The following ZNF407 variants were observed in gnomAD, a reference collection of about 807,000 sequenced individuals.
ZNF407 encodes the protein zinc finger protein 407.
ZNF407 carries 17 observed loss-of-function variants against 131.2 expected under a neutral mutation model. That is an observed-to-expected ratio of 0.13 (90% CI 0.09 to 0.19). The LOEUF (loss-of-function observed/expected upper bound fraction) is 0.19, where lower values mean the gene tolerates loss of function less well. Among genes scored for constraint, ZNF407 ranks in the 10% least tolerant of loss-of-function variants. The pLI, the probability that ZNF407 is intolerant of heterozygous loss-of-function variation, is 1.00. For synonymous variants in ZNF407, 1,156 were observed against 1,062.0 expected (o/e 1.09, Z -1.72); for missense variants, 2,681 against 2,830.6 (o/e 0.95, Z 1.20).
At chr18:75,021,231 A>G (rs558155272) in intron 8 of ZNF407, among the ~76,000 whole-genome samples, 2 of 152,100 alleles carry the variant, frequency 1.3e-5, no homozygotes, top group East Asian at 1.9e-4. Context: ...ATATGTATTT[A>G]TATTTGTGTG....
At chr18:74,908,490 A>C (rs1971625466) in intron 7 of ZNF407, among the ~76,000 whole-genome samples, 1 of 152,158 alleles carries the variant, frequency 6.6e-6, no homozygotes, top group Non-Finnish European at 1.5e-5. Context: ...TCTTATATAC[A>C]TGGATCTTTG....
intron 6 of ZNF407, among the ~76,000 whole-genome samples, chr18:74,884,983 G>C (rs929479355): frequency 6.6e-6 from 1 of 152,142 alleles, no homozygotes. Flanking sequence ...GAAAATAGCA[G>C]TGAGTTTTAA....
At chr18:74,894,099 A>G (rs571861845) in intron 7 of ZNF407, among the ~76,000 whole-genome samples, 15 of 152,188 alleles carry the variant, frequency 9.9e-5, no homozygotes, top group Non-Finnish European at 1.5e-4. Flanking sequence ...ACCTGAGGCT[A>G]TTTTTCAAGT....
chr18:74,631,954 C>T lies in ZNF407; in HGVS notation c.935C>T (p.Ala312Val), dbSNP rs1206122445. The T allele has an allele frequency of 6.2e-7, 1 of 1,613,936 alleles. No individual in the cohort carries two copies. The highest frequency in any genetic ancestry group is 1.7e-5 in the Admixed American group (1 of 60,022). ...AAACCAAGAACTTCTAAATCAATAGCAAAGAATAGTGATTCAAAAGGATTA... is the reference window on the plus strand; with the variant it reads ...AAACCAAGAACTTCTAAATCAATAGTAAAGAATAGTGATTCAAAAGGATTA... Reference protein sequence around the residue: ...HSKPRTSKSIAKNSDSKGLRN... With the variant: ...HSKPRTSKSIVKNSDSKGLRN... Residue 312 changes from alanine (A) to valine (V), a missense_variant, in exon 2 of 9, where the codon GCA becomes GTA. Around this residue, in one of 6 missense-constraint regions of ZNF407, gnomAD observed 1,789 missense variants for 1,748.7 expected, o/e 1.02. Transcript: ENST00000299687.
At chr18:74,720,560 A>C (rs1968006124) in intron 3 of ZNF407, among the ~76,000 whole-genome samples, 1 of 151,852 alleles carries the variant, frequency 6.6e-6, no homozygotes, top group Non-Finnish European at 1.5e-5. Context: ...GGTCTTACTC[A>C]TATAATATTT....
chr18:74,848,689 G>C (rs1970736077), intron 4 of ZNF407, among the ~76,000 whole-genome samples: 1 of 152,168 alleles, frequency 6.6e-6, no homozygotes, highest in African/African-American at 2.4e-5. Flanking sequence ...GGCAAGAGTT[G>C]AGCCGTAAGG....
In ZNF407 at chr18:74,731,539, A is replaced by G. The variant is rs368400177; in HGVS notation, c.4803-49889A>G. On this transcript the variant is annotated intron_variant, in intron 3 of 8. Coordinates refer to ENST00000299687, the MANE Select transcript of ZNF407 (RefSeq NM_017757.3). ...GTTAAACCCACTTAATGAAATGCAA[A>G]CACATTTTCAATGACTAATTAGGAG... is the stretch of plus-strand genomic sequence containing the variant. Among the ~76,000 whole-genome samples, 133 of 152,342 alleles carry G rather than the reference A, an allele frequency of 8.7e-4. 1 individual carries two copies. The highest frequency in any genetic ancestry group is 2.8e-3 in the African/African-American group (115 of 41,584).
intron 4 of ZNF407, among the ~76,000 whole-genome samples, chr18:74,785,730 G>A (rs549506713): frequency 3.3e-5 from 5 of 152,208 alleles, no homozygotes; most frequent in African/African-American, 1.2e-4. Flanking sequence ...CTGTGGAAAA[G>A]CGCATGCACC....
chr18:74,733,078 CT>C (rs1968331176), intron 3 of ZNF407, among the ~76,000 whole-genome samples: 1 of 151,834 alleles, frequency 6.6e-6, no homozygotes. Context: ...AAGTGTTTAA[CT>C]GTTAAGTTAT....
rs757314870 is a variant in ZNF407, at chr18:74,631,682, C to G, written c.663C>G (p.Ser221Arg). ...AGGAACATACCTGTTGTCACTGCAG[C>G]CACAAAGCAGAGAGCAGCTCAGCAC... is the stretch of plus-strand genomic sequence containing the variant. ...QPKEHTCCHC[S>R]HKAESSSALH... Residue 221 changes from serine to arginine, a missense_variant, in exon 2 of 9, where the codon AGC (serine) becomes AGG (arginine). Ser to Arg is a moderately radical substitution (Grantham distance 110). Coordinates refer to ENST00000299687, the MANE Select transcript of ZNF407 (RefSeq NM_017757.3). 1.2e-6 allele frequency: 2 copies of G among 1,613,934 alleles called. No individual in the cohort carries two copies. The highest frequency in any genetic ancestry group is 2.2e-5 in the South Asian group (2 of 91,082).
intron 8 of ZNF407, among the ~76,000 whole-genome samples, chr18:74,951,929 G>A (rs1333053025): frequency 6.6e-6 from 1 of 151,552 alleles, no homozygotes; most frequent in Non-Finnish European, 1.5e-5. Context: ...ACTTCTGATC[G>A]TACTTCATAG....
intron 7 of ZNF407, among the ~76,000 whole-genome samples, chr18:74,895,616 A>G (rs553613636): frequency 1.7e-3 from 257 of 152,354 alleles, no homozygotes; most frequent in African/African-American, 6.0e-3. Flanking sequence ...TTTTTTAAAC[A>G]TATATTTATC....
chr18:74,910,749 C>G (rs1441519034), intron 7 of ZNF407, among the ~76,000 whole-genome samples: 2 of 152,118 alleles, frequency 1.3e-5, no homozygotes, highest in East Asian at 3.9e-4. Context: ...TAATAATTTT[C>G]AAAAATGCAG....
At chr18:75,049,672 C>T (rs1490574745) in intron 8 of ZNF407, among the ~76,000 whole-genome samples, 2 of 152,128 alleles carry the variant, frequency 1.3e-5, no homozygotes, top group African/African-American at 2.4e-5. Flanking sequence ...CCCCATTTTG[C>T]CTTCTAGAGC....
At chr18:74,676,718 G>A (rs548781782) in intron 3 of ZNF407, among the ~76,000 whole-genome samples, 46 of 152,256 alleles carry the variant, frequency 3.0e-4, no homozygotes, top group Non-Finnish European at 4.1e-4. Context: ...ACAGACGTGA[G>A]CCACTGTGCC....
At chr18:74,977,912 T>C (rs1159347398) in intron 8 of ZNF407, among the ~76,000 whole-genome samples, 2 of 152,238 alleles carry the variant, frequency 1.3e-5, no homozygotes, top group Non-Finnish European at 2.9e-5. Flanking sequence ...TGGGGATTTT[T>C]AGTACTTTTC....
intron 8 of ZNF407, among the ~76,000 whole-genome samples, chr18:74,936,393 T>C (rs533022773): frequency 1.3e-4 from 20 of 152,342 alleles, no homozygotes; most frequent in African/African-American, 4.6e-4. Context: ...GGGTTTGATA[T>C]AGACCCCAAA....
chr18:74,808,002 G>GC (rs1970138209), intron 4 of ZNF407, among the ~76,000 whole-genome samples: 1 of 151,934 alleles, frequency 6.6e-6, no homozygotes, highest in Admixed American at 6.6e-5. Flanking sequence ...ACAGGAGTAT[G>GC]CCACAGCACC....
chr18:74,883,997 G>C (rs1971274062), intron 6 of ZNF407, among the ~76,000 whole-genome samples: 1 of 152,188 alleles, frequency 6.6e-6, no homozygotes, highest in Admixed American at 6.5e-5. Flanking sequence ...CATTGTTTGA[G>C]AGTAGCCAAT....
Sources: allele counts gnomAD v4.1 joint callset (sites outside exome capture counted in the v4.1 genomes callset), GRCh38; gene constraint gnomAD v4.1.1; regional missense constraint gnomAD v4.1.1; transcripts MANE v1.5; gene names NCBI Gene and HGNC (gene_info 2026-07-23, HGNC 2026-07-21).